SEM1: variants seen among roughly 807,000 people sequenced by gnomAD.
SEM1 encodes SEM1 26S proteasome subunit, also known as 26S proteasome complex subunit SEM1.
Under a neutral mutation model 12.7 loss-of-function variants are expected in SEM1, and 3 were observed. The observed-to-expected ratio is 0.24, with a 90% CI of 0.11 to 0.61. SEM1 has a LOEUF of 0.61. Among genes scored for constraint, SEM1 ranks in the 20% least tolerant of loss-of-function variants. The pLI, the probability that SEM1 is intolerant of heterozygous loss-of-function variation, is 0.88. For synonymous variants in SEM1, 30 were observed against 27.8 expected (o/e 1.08, Z -0.25); for missense variants, 59 against 81.3 (o/e 0.73, Z 1.06).
At chr7:96,687,166 G>A (rs1360426184), downstream of SEM1, among the ~76,000 whole-genome samples, 1 of 152,158 alleles carries the variant, frequency 6.6e-6, no homozygotes, top group Non-Finnish European at 1.5e-5. Flanking sequence ...GGAGAAACAG[G>A]AACACTTTTA....
At chr7:96,524,474 T>C (rs1458650624) in intron 2 of SEM1, among the ~76,000 whole-genome samples, 4 of 152,104 alleles carry the variant, frequency 2.6e-5, no homozygotes, top group Admixed American at 6.6e-5. Context: ...AATAGCAACG[T>C]ATAGCTAATA....
rs767162399 is a variant in SEM1 at position 96,486,336 on chromosome 7, T to C, written c.94A>G (p.Ser32Gly). Reference sequence around the variant, plus strand: ...GCCCGCTGAGCTGGGCTTCTTATGCTGGGTCTCCTCCCCCTTTTTATGCCA... The same window carrying C: ...GCCCGCTGAGCTGGGCTTCTTATGCCGGGTCTCCTCCCCCTTTTTATGCCA... Residue 32 changes from serine (S) to glycine (G), a missense_variant, in exon 2 of 4, where the codon AGC (serine) becomes GGC (glycine). Physicochemically the swap from Ser to Gly is moderately conservative, Grantham distance 56. Transcript: ENST00000356686. 16 of 1,537,002 alleles carry C rather than the reference T, an allele frequency of 1.0e-5. No individual in the cohort carries two copies. In the South Asian group the frequency reaches 1.9e-4, roughly 18 times the overall value.
intron 2 of SEM1, among the ~76,000 whole-genome samples, chr7:96,587,395 G>A (rs770439728): frequency 5.9e-5 from 9 of 152,098 alleles, no homozygotes; most frequent in East Asian, 3.9e-4. Context: ...TTGATTTTGC[G>A]CTGTCAGTTC....
chr7:96,588,680 TG>T (rs1806735064), intron 2 of SEM1, among the ~76,000 whole-genome samples: 1 of 151,564 alleles, frequency 6.6e-6, no homozygotes, highest in Non-Finnish European at 1.5e-5. Context: ...GCAGGAGGAT[TG>T]CTTGAGCCCA....
At chr7:96,603,265 T>C (rs1807246767) in intron 2 of SEM1, among the ~76,000 whole-genome samples, 1 of 152,214 alleles carries the variant, frequency 6.6e-6, no homozygotes, top group African/African-American at 2.4e-5. Flanking sequence ...GATAAGAAAC[T>C]TCTAAGTGGG....
chr7:96,622,804 C>G (rs1807938020), intron 2 of SEM1: 1 of 540,812 alleles, frequency 1.8e-6, no homozygotes, highest in East Asian at 2.9e-5. Context: ...AGAAATGTGG[C>G]ATTTTCAAAG....
intron 1 of SEM1, among the ~76,000 whole-genome samples, chr7:96,702,036 G>A (rs1340803011): frequency 6.6e-6 from 1 of 152,056 alleles, no homozygotes; most frequent in African/African-American, 2.4e-5. Flanking sequence ...ATAAAATGTG[G>A]AGCCCAAGTT....
intron 2 of SEM1, among the ~76,000 whole-genome samples, chr7:96,539,419 A>G (rs1804882113): frequency 6.6e-6 from 1 of 151,798 alleles, no homozygotes; most frequent in African/African-American, 2.4e-5. Flanking sequence ...AATTCCATTC[A>G]CATGTTTAAT....
In SEM1 at chr7:96,574,773, T is replaced by C. The variant is rs540952548; in HGVS notation, c.171-68075A>G. ...TGATCCAGCTATTGATATTTATGTA[T>C]GCTTCATGAAGTTCTCGTGCTGTGT... On this transcript the variant is annotated intron_variant and NMD_transcript_variant, in intron 2 of 3. Coordinates refer to the SEM1 transcript ENST00000466986. 2.0e-4 allele frequency among the ~76,000 whole-genome samples: 31 copies of C among 152,344 alleles called. No homozygotes were observed. The South Asian group carries it at 6.4e-3, about 32-fold the overall frequency.
intron 2 of SEM1, among the ~76,000 whole-genome samples, chr7:96,592,025 A>C (rs1806845002): frequency 6.6e-6 from 1 of 152,098 alleles, no homozygotes; most frequent in African/African-American, 2.4e-5. Flanking sequence ...GAGGGAAATA[A>C]AGAGGTGCTG....
chr7:96,529,889 T>A (rs1264185626), intron 2 of SEM1, among the ~76,000 whole-genome samples: 1 of 152,148 alleles, frequency 6.6e-6, no homozygotes, highest in Non-Finnish European at 1.5e-5. Context: ...TAATGCATTC[T>A]GAATTACAGT....
intron 2 of SEM1, among the ~76,000 whole-genome samples, chr7:96,654,301 G>A (rs1809101467): frequency 6.6e-6 from 1 of 152,148 alleles, no homozygotes; most frequent in Non-Finnish European, 1.5e-5. Context: ...TTAGGGCTGT[G>A]GAGTTGTGAA....
chr7:96,589,331 A>G (rs944115594), intron 2 of SEM1, among the ~76,000 whole-genome samples: 2 of 152,214 alleles, frequency 1.3e-5, no homozygotes, highest in Non-Finnish European at 2.9e-5. Flanking sequence ...TCCCCGGATT[A>G]GAGCACACAT....
At chr7:96,500,759 C>T (rs748568338), upstream of SEM1, among the ~76,000 whole-genome samples, 2 of 152,156 alleles carry the variant, frequency 1.3e-5, no homozygotes, top group Non-Finnish European at 2.9e-5. Context: ...GCTGCAGCTT[C>T]TTCTCGTATC....
At chr7:96,583,004 C>A (rs1232698102) in intron 2 of SEM1, among the ~76,000 whole-genome samples, 8 of 152,058 alleles carry the variant, frequency 5.3e-5, no homozygotes, top group African/African-American at 1.9e-4. Flanking sequence ...TTATTTCTTG[C>A]CTTCTGCTAT....
At chr7:96,483,124 A>G (rs909242396) in exon 4 of SEM1, 2 of 152,216 alleles carry the variant, frequency 1.3e-5, no homozygotes, top group African/African-American at 2.4e-5. Context: ...CTAAATAAGT[A>G]CTTCATAGGC....
At chr7:96,630,532 G>C (rs888395430) in intron 2 of SEM1, among the ~76,000 whole-genome samples, 8 of 152,096 alleles carry the variant, frequency 5.3e-5, no homozygotes, top group African/African-American at 1.9e-4. Flanking sequence ...AGGGGAACAG[G>C]CTCCCCTCTG....
At chr7:96,580,739 CA>C (rs1806369928) in intron 2 of SEM1, among the ~76,000 whole-genome samples, 2 of 151,934 alleles carry the variant, frequency 1.3e-5, no homozygotes, top group South Asian at 4.2e-4. Flanking sequence ...AGCATTTTTT[CA>C]TGTGTTTTTT....
At chr7:96,492,697 C>T (rs1298792778) in intron 1 of SEM1, among the ~76,000 whole-genome samples, 1 of 138,118 alleles carries the variant, frequency 7.2e-6, no homozygotes, top group Non-Finnish European at 1.5e-5. Context: ...TCCCAAAGTA[C>T]TAGGATTACA....
Sources: gnomAD v4.1 joint callset for allele counts (sites outside exome capture counted in the v4.1 genomes callset) on GRCh38, gnomAD v4.1.1 for gene constraint, MANE v1.5 for transcripts, NCBI Gene and HGNC (gene_info 2026-07-23, HGNC 2026-07-21) for gene names.